ZNF229: variants seen among roughly 807,000 people sequenced by gnomAD.
The protein encoded by ZNF229 is zinc finger protein 229.
A neutral mutation model predicts 11.8 loss-of-function variants in ZNF229; 10 were observed. That is an observed-to-expected ratio of 0.85 (90% CI 0.52 to 1.44). ZNF229 has a LOEUF of 1.44. Among genes scored for constraint, ZNF229 ranks in the 40% most tolerant of loss-of-function variants. The pLI is 0.00. For missense variants in ZNF229, 1,045 were observed against 1,015.1 expected, an observed-to-expected ratio of 1.03 and a Z score of -0.40; for synonymous variants, 368 against 374.8, an observed-to-expected ratio of 0.98 and a Z score of 0.21.
At chr19:44,442,203 G>A (rs375452610) in intron 4 of ZNF229, among the ~76,000 whole-genome samples, 4 of 152,220 alleles carry the variant, frequency 2.6e-5, no homozygotes, top group African/African-American at 7.2e-5. Flanking sequence ...AATGAATAAC[G>A]TTCCACAGAG....
Position 44,428,230 on chromosome 19 carries a change from A to C in ZNF229, c.*73T>G. The C allele has an allele frequency of 6.7e-7, 1 of 1,488,654 alleles. No individual in the cohort carries two copies. Among genetic ancestry groups the C allele is most frequent in the South Asian group, 1.4e-5 (1 of 73,500 alleles). 92.2% of individuals were successfully genotyped at this position (1,488,654 alleles called of 1,614,324 possible). ...TAGCCCTCCTACATGTCACTTTCCT[A>C]TGGTTTTTCTCCTGTGTTGGCTCTC... On this transcript the variant is annotated 3_prime_UTR_variant, in exon 6 of 6. Transcript: ENST00000614049.
Position 44,430,021 on chromosome 19 carries a change from CAG to C in ZNF229, c.758_759del (p.Ser253CysfsTer6), listed in dbSNP as rs1296291331. ...NKCRKDCIKN[S>X]VLHRINPGEN... ...TCTCCAGGGTTAATGCGATGAAGTACAGAGTTTTTAATGCAGTCTTTTCTGCA... is the reference window on the plus strand; with the variant it reads ...TCTCCAGGGTTAATGCGATGAAGTACAGTTTTTAATGCAGTCTTTTCTGCA... On this transcript the variant is annotated frameshift_variant, in exon 6 of 6. Coordinates refer to ENST00000614049, the MANE Select transcript of ZNF229 (RefSeq NM_014518.4). LOFTEE classifies it low-confidence loss of function (END_TRUNC). 2 of 1,614,038 alleles carry C rather than the reference CAG, an allele frequency of 1.2e-6. No individual in the cohort carries two copies. Among genetic ancestry groups the C allele is most frequent in the African/African-American group, 1.3e-5 (1 of 74,870 alleles).
intron 4 of ZNF229, among the ~76,000 whole-genome samples, chr19:44,438,500 A>T (rs958303357): frequency 2.0e-5 from 3 of 152,212 alleles, no homozygotes; most frequent in South Asian, 4.1e-4. Context: ...TGTGAAATAG[A>T]TATTTGGTCT....
chr19:44,428,477 AT>A lies in ZNF229; in HGVS notation c.2303del (p.Tyr768LeufsTer52). 2 of 1,613,850 alleles carry A rather than the reference AT, an allele frequency of 1.2e-6. No homozygotes were observed. The highest frequency in any genetic ancestry group is 1.7e-6 in the Non-Finnish European group (2 of 1,179,978). On this transcript the variant is annotated frameshift_variant, in exon 6 of 6. Coordinates refer to ENST00000614049, the MANE Select transcript of ZNF229 (RefSeq NM_014518.4). LOFTEE classifies it low-confidence loss of function (END_TRUNC). ...HQRVHTGEKP[Y>X]KCEECGKGFG... ...AGCCCTTCCCACACTCCTCACATTTATAGGGTTTCTCACCAGTGTGGACCCT... is the reference window on the plus strand; with the variant it reads ...AGCCCTTCCCACACTCCTCACATTTAAGGGTTTCTCACCAGTGTGGACCCT...
Position 44,429,141 on chromosome 19 carries a change from C to T in ZNF229, c.1640G>A (p.Cys547Tyr), listed in dbSNP as rs781763724. The T allele has an allele frequency of 6.2e-7, 1 of 1,613,718 alleles. No homozygotes were observed. The highest frequency in any genetic ancestry group is 1.1e-5 in the South Asian group (1 of 91,048). The change falls in exon 6 of 6, where the codon TGC (cysteine) becomes TAC (tyrosine). Residue 547 changes from cysteine to tyrosine, a missense_variant. By Grantham distance (194) the Cys-to-Tyr change is radical. Transcript: ENST00000614049. ...RLHTGEKPYK[C>Y]ECGKSFGRSS... is the part of the protein sequence containing the mutation. ...CCGGCCAAAGCTCTTCCCGCACTCGCATTTGTAGGGTTTCTCTCCTGTGTG... is the reference window on the plus strand; with the variant it reads ...CCGGCCAAAGCTCTTCCCGCACTCGTATTTGTAGGGTTTCTCTCCTGTGTG...
intron 2 of ZNF229, among the ~76,000 whole-genome samples, chr19:44,444,634 G>A (rs577748088): frequency 6.6e-6 from 1 of 152,316 alleles, no homozygotes; most frequent in East Asian, 1.9e-4. Context: ...ATCACCATGA[G>A]CAATGATGAA....
chr19:44,436,478 A>T (rs1971816160), intron 4 of ZNF229, among the ~76,000 whole-genome samples: 1 of 152,188 alleles, frequency 6.6e-6, no homozygotes, highest in East Asian at 1.9e-4. Context: ...CAAATTTCTA[A>T]ATTTCAAAAG....
At chr19:44,445,340 T>C (rs1663815070) in intron 2 of ZNF229, among the ~76,000 whole-genome samples, 1 of 152,154 alleles carries the variant, frequency 6.6e-6, no homozygotes, top group Non-Finnish European at 1.5e-5. Context: ...AAACTCATAT[T>C]CTTCTCTGGC....
In ZNF229 at chr19:44,442,556, A is replaced by C. The variant is rs1205927677; in HGVS notation, c.93+7T>G. ...GGTATTTCGGGAGAGAAAAGAAAACAACCCACCTGAGACATGATCTTCTCC... is the reference window on the plus strand; with the variant it reads ...GGTATTTCGGGAGAGAAAAGAAAACCACCCACCTGAGACATGATCTTCTCC... On this transcript the variant is annotated splice_region_variant and intron_variant, in intron 4 of 5. Transcript: ENST00000614049. 7 of 1,613,910 alleles carry C rather than the reference A, an allele frequency of 4.3e-6. No individual in the cohort carries two copies. Among genetic ancestry groups the C allele is most frequent in the Non-Finnish European group, 2.5e-6 (3 of 1,179,960 alleles).
At chr19:44,444,471 G>A (rs781409376) in intron 2 of ZNF229, among the ~76,000 whole-genome samples, 1 of 152,140 alleles carries the variant, frequency 6.6e-6, no homozygotes, top group Non-Finnish European at 1.5e-5. Flanking sequence ...TGACCCAGGT[G>A]TGGACAACCA....
At position 44,429,438 on chromosome 19, in the gene ZNF229, A is replaced by G; in HGVS notation, c.1343T>C (p.Leu448Pro). ...AGGGTGAATGTGCTGGTGTTTGTGC[A>G]GTGCAGACTTGGCACAGAAGCCTTT... is the stretch of plus-strand genomic sequence containing the variant. Reference protein sequence around the residue: ...CGKGFCAKSALHKHQHIHPGE... With the variant: ...CGKGFCAKSAPHKHQHIHPGE... Residue 448 changes from leucine to proline, a missense_variant, in exon 6 of 6, where the codon CTG (leucine) becomes CCG (proline). Leu to Pro is a moderately conservative substitution (Grantham distance 98). Transcript: ENST00000614049. 6.2e-7 allele frequency: 1 copy of G among 1,613,664 alleles called. No individual in the cohort carries two copies. The highest frequency in any genetic ancestry group is 8.5e-7 in the Non-Finnish European group (1 of 1,179,964).
rs202179506 is a variant in ZNF229, at chr19:44,429,118, G to A, written c.1663C>T (p.Arg555Trp). Residue 555 changes from arginine to tryptophan, a missense_variant, in exon 6 of 6, where the codon CGG becomes TGG. Arg to Trp is a moderately radical substitution (Grantham distance 101). Coordinates refer to ENST00000614049, the MANE Select transcript of ZNF229 (RefSeq NM_014518.4). ...YKCECGKSFG[R>W]SSDLHIHQRV... Reference sequence around the variant, plus strand: ...TGATGGATGTGGAGGTCGGAGCTCCGGCCAAAGCTCTTCCCGCACTCGCAT... The same window carrying A: ...TGATGGATGTGGAGGTCGGAGCTCCAGCCAAAGCTCTTCCCGCACTCGCAT... The A allele has an allele frequency of 2.2e-5, 36 of 1,611,348 alleles. No homozygotes were observed. Among genetic ancestry groups the A allele is most frequent in the East Asian group, 1.1e-4 (5 of 44,590 alleles).
chr19:44,428,831 G>A lies in ZNF229; in HGVS notation c.1950C>T (p.His650=), dbSNP rs1971638730. The A allele has an allele frequency of 6.2e-7, 1 of 1,613,826 alleles. No individual in the cohort carries two copies. Among genetic ancestry groups the A allele is most frequent in the African/African-American group, 1.3e-5 (1 of 74,930 alleles). Residue 650 remains histidine (H), a synonymous_variant, in exon 6 of 6, where the codon CAC becomes CAT. Transcript: ENST00000614049. Reference sequence around the variant, plus strand: ...GGCATCTGTAAGGTTTCTCGCCTGTGTGGACTCTCTGGTGAATGAGAAGCC... The same window carrying A: ...GGCATCTGTAAGGTTTCTCGCCTGTATGGACTCTCTGGTGAATGAGAAGCC... ...SSGLLIHQRV[H]TGEKPYRCQE... is the part of the protein sequence containing the mutation.
Position 44,442,619 on chromosome 19 carries a change from G to A in ZNF229, c.37C>T (p.Leu13Phe). The change falls in exon 4 of 6, where the codon CTT (leucine) becomes TTT (phenylalanine). Residue 13 changes from leucine (L) to phenylalanine (F), a missense_variant and splice_region_variant. Leu to Phe is a conservative substitution (Grantham distance 22). Coordinates refer to ENST00000614049, the MANE Select transcript of ZNF229 (RefSeq NM_014518.4). ...GAAATGGCTGAGGCTTGAGAATGAA[G>A]AGCTGTAGGAGGAGAAAGAGGCCAT... ...TLTSRHEKRALHSQASAISQD... is the reference protein window; with the variant it reads ...TLTSRHEKRAFHSQASAISQD... 6.2e-7 allele frequency: 1 copy of A among 1,614,106 alleles called. No homozygotes were observed. The highest frequency in any genetic ancestry group is 8.5e-7 in the Non-Finnish European group (1 of 1,180,006).
Position 44,428,725 on chromosome 19 carries a change from A to C in ZNF229, c.2056T>G (p.Cys686Gly), listed in dbSNP as rs368333932. 10 of 1,613,514 alleles carry C rather than the reference A, an allele frequency of 6.2e-6. No individual in the cohort carries two copies. The highest frequency in any genetic ancestry group is 8.5e-6 in the Non-Finnish European group (10 of 1,179,924). The change falls in exon 6 of 6, where the codon TGT becomes GGT. Residue 686 changes from cysteine to glycine, a missense_variant. Cys to Gly is a radical substitution (Grantham distance 159, BLOSUM62 -3). Coordinates refer to ENST00000614049, the MANE Select transcript of ZNF229 (RefSeq NM_014518.4). ...CTGAATCCCTTGCCACACTGATCAC[A>C]CGTATAGGGCTTTTTTCCCGTGTGG... ...RVHTGKKPYT[C>G]DQCGKGFSYG...
In ZNF229 at chr19:44,426,653, G is replaced by A. The variant is rs1023984550; in HGVS notation, c.*1650C>T. On this transcript the variant is annotated 3_prime_UTR_variant, in exon 6 of 6. Transcript: ENST00000614049. ...TTATCTAAAAAATTTCCTACCAATG[G>A]AAACTGGAATATTAACATTTGCTAT... 3 of 152,088 alleles carry A rather than the reference G, an allele frequency of 2.0e-5. No homozygotes were observed. In the South Asian group the frequency reaches 6.2e-4, roughly 31 times the overall value. 9.4% of individuals were successfully genotyped at this position (152,088 alleles called of 1,614,324 possible).
chr19:44,446,871 T>C (rs1254189394), intron 2 of ZNF229, among the ~76,000 whole-genome samples: 2 of 149,740 alleles, frequency 1.3e-5, no homozygotes, highest in African/African-American at 4.9e-5. Context: ...CAGGTGAACA[T>C]ATGTGGCAGC....
rs1045661578 is a variant in ZNF229 at position 44,427,247 on chromosome 19, C to CG, written c.*1055_*1056insC. 7.7e-5 allele frequency: 11 copies of CG among 143,246 alleles called. No individual in the cohort carries two copies. Among genetic ancestry groups the CG allele is most frequent in the African/African-American group, 2.8e-4 (11 of 38,970 alleles). The allele number at this position is 143,246 out of a possible 1,614,324, so 8.9% of individuals were successfully genotyped here. ...TCAGACTGTTTCTACAACCCCCCCC[C>CG]CCGCCCCCACTGATGGGGGATTTGA... is the stretch of plus-strand genomic sequence containing the variant. On this transcript the variant is annotated 3_prime_UTR_variant, in exon 6 of 6. Coordinates refer to ENST00000614049, the MANE Select transcript of ZNF229 (RefSeq NM_014518.4).
intron 4 of ZNF229, among the ~76,000 whole-genome samples, chr19:44,436,961 A>AAT (rs1024604859): frequency 4.6e-5 from 7 of 151,606 alleles, no homozygotes; most frequent in African/African-American, 1.2e-4. Context: ...TACAAACATA[A>AAT]ATATATATAT....
Sources: allele counts gnomAD v4.1 joint callset (sites outside exome capture counted in the v4.1 genomes callset), GRCh38; gene constraint gnomAD v4.1.1; transcripts MANE v1.5; gene names NCBI Gene and HGNC (gene_info 2026-07-23, HGNC 2026-07-21).